The following ROBO2 variants were observed in gnomAD, a reference collection of about 807,000 sequenced individuals.
ROBO2 encodes the protein roundabout guidance receptor 2.
In ROBO2, 53 loss-of-function variants were observed where a neutral mutation model predicts 160.8. That is an observed-to-expected ratio of 0.33 (90% CI 0.26 to 0.41). The LOEUF is 0.41. ROBO2 is among the 10% of genes least tolerant of loss of function. The pLI, the probability that ROBO2 is intolerant of heterozygous loss-of-function variation, is 1.00. For missense variants in ROBO2, 1,577 were observed against 1,722.4 expected, an observed-to-expected ratio of 0.92 and a Z score of 1.49; for synonymous variants, 664 against 611.7, an observed-to-expected ratio of 1.09 and a Z score of -1.26.
chr3:77,063,745 C>T (rs2066557036), intron 1 of ROBO2, among the ~76,000 whole-genome samples: 2 of 152,292 alleles, frequency 1.3e-5, no homozygotes, highest in Middle Eastern at 3.4e-3. Flanking sequence ...CGAGATGGCC[C>T]ATTTAATTCA....
intron 2 of ROBO2, among the ~76,000 whole-genome samples, chr3:77,345,436 A>T (rs538866260): frequency 6.6e-6 from 1 of 152,248 alleles, no homozygotes; most frequent in Non-Finnish European, 1.5e-5. Context: ...ATACCAGGAG[A>T]TGGAGATAAT....
chr3:77,572,182 A>T (rs2093653948), intron 13 of ROBO2, among the ~76,000 whole-genome samples: 1 of 152,064 alleles, frequency 6.6e-6, no homozygotes, highest in Non-Finnish European at 1.5e-5. Context: ...TTTCAGTATT[A>T]ACAAGCTATT....
intron 2 of ROBO2, among the ~76,000 whole-genome samples, chr3:76,916,800 G>A (rs950043071): frequency 6.6e-6 from 1 of 152,038 alleles, no homozygotes; most frequent in Non-Finnish European, 1.5e-5. Context: ...AATTACTTAA[G>A]TTCAAAAAGA....
chr3:76,258,709 CTT>C (rs1706555046), intron 2 of ROBO2, among the ~76,000 whole-genome samples: 1 of 151,906 alleles, frequency 6.6e-6, no homozygotes, highest in African/African-American at 2.4e-5. Context: ...TTTTAGTTCT[CTT>C]GTTTGATTCG....
intron 2 of ROBO2, among the ~76,000 whole-genome samples, chr3:75,970,834 TTA>T (rs1189792852): frequency 6.6e-6 from 1 of 151,268 alleles, no homozygotes; most frequent in Non-Finnish European, 1.5e-5. Context: ...AAAGCCTGTC[TTA>T]TATCTAGTTG....
At chr3:77,546,115 T>C (rs548888242) in intron 6 of ROBO2, among the ~76,000 whole-genome samples, 17 of 152,280 alleles carry the variant, frequency 1.1e-4, no homozygotes, top group Admixed American at 5.9e-4. Flanking sequence ...GATTACAATG[T>C]ACAACATATA....
intron 2 of ROBO2, among the ~76,000 whole-genome samples, chr3:77,418,395 T>G (rs2077435086): frequency 6.6e-6 from 1 of 152,166 alleles, no homozygotes; most frequent in South Asian, 2.1e-4. Flanking sequence ...AATGGTAATC[T>G]TTTAAATTGT....
At chr3:76,545,340 T>C (rs1275387488) in intron 2 of ROBO2, among the ~76,000 whole-genome samples, 3 of 152,014 alleles carry the variant, frequency 2.0e-5, no homozygotes, top group Non-Finnish European at 4.4e-5. Context: ...ATAGAAATTC[T>C]TAACATTGCA....
At chr3:76,899,146 T>C (rs1224622231) in intron 2 of ROBO2, among the ~76,000 whole-genome samples, 2 of 152,132 alleles carry the variant, frequency 1.3e-5, no homozygotes, top group African/African-American at 4.8e-5. Context: ...TATAGAACTA[T>C]AAATAAAACC....
chr3:76,554,345 A>G (rs1409185713), intron 2 of ROBO2, among the ~76,000 whole-genome samples: 2 of 152,220 alleles, frequency 1.3e-5, no homozygotes, highest in African/African-American at 2.4e-5. Flanking sequence ...AGATATGAGG[A>G]CATGAAGTAC....
chr3:76,226,378 G>C (rs905304485), intron 2 of ROBO2, among the ~76,000 whole-genome samples: 2 of 152,144 alleles, frequency 1.3e-5, no homozygotes, highest in Admixed American at 6.5e-5. Flanking sequence ...TGAGCCTGTA[G>C]TGTGTGTATG....
At chr3:76,938,971 CAAAAAAAA>C (rs71629626) in intron 2 of ROBO2, among the ~76,000 whole-genome samples, 2 of 114,584 alleles carry the variant, frequency 1.7e-5, no homozygotes, top group Admixed American at 1.0e-4. Flanking sequence ...AACTCAGTCT[CAAAAAAAA>C]AAAAAAAAAA....
chr3:76,274,209 C>G (rs1707781105), intron 2 of ROBO2, among the ~76,000 whole-genome samples: 1 of 152,144 alleles, frequency 6.6e-6, no homozygotes, highest in South Asian at 2.1e-4. Flanking sequence ...CATGATACTA[C>G]ATACATACAA....
intron 2 of ROBO2, among the ~76,000 whole-genome samples, chr3:76,162,742 A>G (rs563013117): frequency 3.2e-4 from 49 of 152,268 alleles, no homozygotes; most frequent in Middle Eastern, 3.4e-3. Flanking sequence ...TTTCAACAAT[A>G]AGTACATATC....
At chr3:77,039,234 A>G (rs1578434978), upstream of ROBO2, among the ~76,000 whole-genome samples, 1 of 152,168 alleles carries the variant, frequency 6.6e-6, no homozygotes, top group Admixed American at 6.5e-5. Context: ...AAGCATCTAC[A>G]CACAACCTTT....
intron 2 of ROBO2, among the ~76,000 whole-genome samples, chr3:76,300,754 C>A (rs1709315303): frequency 6.6e-6 from 1 of 152,066 alleles, no homozygotes; most frequent in African/African-American, 2.4e-5. Flanking sequence ...GAAATTCCCT[C>A]TTCCTGGAAG....
At chr3:76,138,999 A>G (rs2106739573) in intron 2 of ROBO2, among the ~76,000 whole-genome samples, 1 of 152,276 alleles carries the variant, frequency 6.6e-6, no homozygotes, top group South Asian at 2.1e-4. Flanking sequence ...TGTTTTGGCA[A>G]GAAATGAGGC....
chr3:75,926,302 G>C (rs1255083403), intron 1 of ROBO2, among the ~76,000 whole-genome samples: 3 of 152,166 alleles, frequency 2.0e-5, no homozygotes, highest in Admixed American at 1.3e-4. Context: ...ACAGAGGTGA[G>C]CTTGTGCCAT....
intron 2 of ROBO2, among the ~76,000 whole-genome samples, chr3:76,748,170 T>C (rs1393713851): frequency 1.3e-5 from 2 of 151,986 alleles, no homozygotes; most frequent in Admixed American, 1.3e-4. Context: ...GGCAGCATTT[T>C]TACTCTACAT....
Sources: allele counts gnomAD v4.1 joint callset (sites outside exome capture counted in the v4.1 genomes callset), GRCh38; gene constraint gnomAD v4.1.1; transcripts MANE v1.5; gene names NCBI Gene and HGNC (gene_info 2026-07-23, HGNC 2026-07-21).